NAT2: variants seen among roughly 807,000 people sequenced by gnomAD.
The protein encoded by NAT2 is arylamine N-acetyltransferase 2.
For missense variants in NAT2, 428 were observed against 339.1 expected, an observed-to-expected ratio of 1.26 and a Z score of -2.06; for synonymous variants, 137 against 125.9, an observed-to-expected ratio of 1.09 and a Z score of -0.59.
intron 1 of NAT2, among the ~76,000 whole-genome samples, chr8:18,396,139 A>G: frequency 6.6e-6 from 1 of 152,210 alleles, no homozygotes; most frequent in Non-Finnish European, 1.5e-5. Context: ...AACACAAGGT[A>G]GAGATTTTTA....
intron 1 of NAT2, among the ~76,000 whole-genome samples, chr8:18,394,793 G>C (rs920554678): frequency 1.3e-5 from 2 of 152,108 alleles, no homozygotes; most frequent in Admixed American, 1.3e-4. Flanking sequence ...TCAAATCCTT[G>C]ATTTTTGTCT....
chr8:18,400,865 C>T lies in NAT2; in HGVS notation c.862C>T (p.Leu288Phe). ...CGTGCCCAAACCTGGTGATGGATCCCTTACTATTTAGAATAAGGAACAAAA... is the reference window on the plus strand; with the variant it reads ...CGTGCCCAAACCTGGTGATGGATCCTTTACTATTTAGAATAAGGAACAAAA... ...NLVPKPGDGS[L>F]TI Residue 288 changes from leucine (L) to phenylalanine (F), a missense_variant, in exon 2 of 2, where the codon CTT becomes TTT. By Grantham distance (22) the Leu-to-Phe change is conservative (BLOSUM62 0). Coordinates refer to ENST00000286479, the MANE Select transcript of NAT2 (RefSeq NM_000015.3). 1 of 1,586,650 alleles carries T rather than the reference C, an allele frequency of 6.3e-7. No homozygotes were observed. Among genetic ancestry groups the T allele is most frequent in the Non-Finnish European group, 8.5e-7 (1 of 1,170,690 alleles).
chr8:18,400,363 T>A lies in NAT2; in HGVS notation c.360T>A (p.Ile120=). 2 of 1,612,506 alleles carry A rather than the reference T, an allele frequency of 1.2e-6. No individual in the cohort carries two copies. The highest frequency in any genetic ancestry group is 1.7e-6 in the Non-Finnish European group (2 of 1,179,382). The change falls in exon 2 of 2, where the codon ATT becomes ATA. Residue 120 remains isoleucine (I), a synonymous_variant. Coordinates refer to ENST00000286479, the MANE Select transcript of NAT2 (RefSeq NM_000015.3). ...LQVTIDGRNY[I]VDAGSGSSSQ... ...TGACCATTGACGGCAGGAATTACAT[T>A]GTCGATGCTGGGTCTGGAAGCTCCT...
At chr8:18,395,983 A>C (rs1800684029) in intron 1 of NAT2, among the ~76,000 whole-genome samples, 1 of 151,100 alleles carries the variant, frequency 6.6e-6, no homozygotes, top group Admixed American at 6.6e-5. Flanking sequence ...TTTTCTCAAA[A>C]GGTAAGCAAA....
At chr8:18,393,468 A>T (rs562717456) in intron 1 of NAT2, among the ~76,000 whole-genome samples, 2 of 152,224 alleles carry the variant, frequency 1.3e-5, no homozygotes, top group Non-Finnish European at 2.9e-5. Context: ...TAGAAACAGA[A>T]AAAAATAAAT....
chr8:18,388,152 A>C (rs1800534656), upstream of NAT2, among the ~76,000 whole-genome samples: 1 of 152,230 alleles, frequency 6.6e-6, no homozygotes, highest in African/African-American at 2.4e-5. Context: ...AGACCTTCTG[A>C]GACTGAGCAC....
At position 18,400,162 on chromosome 8, in the gene NAT2, G is replaced by C; in HGVS notation, c.159G>C (p.Glu53Asp). The change falls in exon 2 of 2, where the codon GAG becomes GAC. Residue 53 changes from glutamate (E) to aspartate (D), a missense_variant. By Grantham distance (45) the Glu-to-Asp change is conservative. Transcript: ENST00000286479. ...HCGQAMELGL[E>D]AIFDHIVRRN... ...GGCAAGCCATGGAGTTGGGCTTAGA[G>C]GCTATTTTTGATCACATTGTAAGAA... is the stretch of plus-strand genomic sequence containing the variant. 6.2e-7 allele frequency: 1 copy of C among 1,613,920 alleles called. No individual in the cohort carries two copies. Among genetic ancestry groups the C allele is most frequent in the Non-Finnish European group, 8.5e-7 (1 of 1,179,928 alleles).
chr8:18,391,995 C>A (rs1460492445), intron 1 of NAT2, among the ~76,000 whole-genome samples: 2 of 152,202 alleles, frequency 1.3e-5, no homozygotes, highest in East Asian at 1.9e-4. Flanking sequence ...ATCACAAAAT[C>A]TTTGAATCCA....
chr8:18,400,663 A>C lies in NAT2; in HGVS notation c.660A>C (p.Thr220=). The change falls in exon 2 of 2, where the codon ACA becomes ACC. Residue 220 remains threonine (T), a synonymous_variant. Coordinates refer to ENST00000286479, the MANE Select transcript of NAT2 (RefSeq NM_000015.3). ...CTCCAACATCTTCATTTATAACCAC[A>C]TCATTTTGTTCCTTGCAGACCCCAG... ...QTSPTSSFIT[T]SFCSLQTPEG... 1 of 1,613,978 alleles carries C rather than the reference A, an allele frequency of 6.2e-7. No individual in the cohort carries two copies. Among genetic ancestry groups the C allele is most frequent in the Non-Finnish European group, 8.5e-7 (1 of 1,179,972 alleles).
At chr8:18,395,700 C>T (rs904229023) in intron 1 of NAT2, among the ~76,000 whole-genome samples, 5 of 152,026 alleles carry the variant, frequency 3.3e-5, no homozygotes, top group African/African-American at 1.2e-4. Context: ...TATTAAAAGC[C>T]AAGGTAATAG....
In NAT2 at chr8:18,400,762, C is replaced by T. The variant is rs56011192; in HGVS notation, c.759C>T (p.Val253=). 28 of 1,613,306 alleles carry T rather than the reference C, an allele frequency of 1.7e-5. No individual in the cohort carries two copies. Among genetic ancestry groups the T allele is most frequent in the Middle Eastern group, 3.3e-4 (2 of 6,082 alleles). Reference sequence around the variant, plus strand: ...ATTATAAAGACAATACAGATCTGGTCGAGTTTAAAACTCTCACTGAGGAAG... The same window carrying T: ...ATTATAAAGACAATACAGATCTGGTTGAGTTTAAAACTCTCACTGAGGAAG... The part of the protein sequence containing the change: ...KFNYKDNTDL[V]EFKTLTEEEV... The change falls in exon 2 of 2, where the codon GTC becomes GTT. Residue 253 remains valine (V), a synonymous_variant. Transcript: ENST00000286479.
At chr8:18,396,812 A>G (rs45594437) in intron 1 of NAT2, among the ~76,000 whole-genome samples, 2,176 of 152,350 alleles carry the variant, frequency 0.014, 27 homozygotes, top group Non-Finnish European at 0.021. Context: ...TGAACACCTG[A>G]TATTCACAGG....
intron 1 of NAT2, among the ~76,000 whole-genome samples, chr8:18,395,806 C>A (rs1253375553): frequency 6.6e-6 from 1 of 152,134 alleles, no homozygotes; most frequent in Non-Finnish European, 1.5e-5. Flanking sequence ...GTAAATAAGT[C>A]ATTCATTTAG....
rs1432822488 is a variant in NAT2 at position 18,400,436 on chromosome 8, C to A, written c.433C>A (p.Gln145Lys). 6.2e-7 allele frequency: 1 copy of A among 1,613,580 alleles called. No individual in the cohort carries two copies. The highest frequency in any genetic ancestry group is 8.5e-7 in the Non-Finnish European group (1 of 1,179,910). Residue 145 changes from glutamine (Q) to lysine (K), a missense_variant, in exon 2 of 2, where the codon CAG becomes AAG. Gln to Lys is a moderately conservative substitution (Grantham distance 53). Transcript: ENST00000286479. ...LELISGKDQPQVPCIFCLTEE... is the reference protein window; with the variant it reads ...LELISGKDQPKVPCIFCLTEE... ...ATTAATTTCTGGGAAGGATCAGCCT[C>A]AGGTGCCTTGCATTTTCTGCTTGAC...
intron 1 of NAT2, among the ~76,000 whole-genome samples, chr8:18,398,180 T>C (rs934186735): frequency 1.3e-5 from 2 of 152,132 alleles, no homozygotes; most frequent in Non-Finnish European, 2.9e-5. Flanking sequence ...TGGGCACATA[T>C]AAAAATATGA....
In NAT2 at chr8:18,400,913, C is replaced by A. The variant is rs745818634; in HGVS notation, c.*37C>A. 1.4e-6 allele frequency: 2 copies of A among 1,464,006 alleles called. No individual in the cohort carries two copies. Among genetic ancestry groups the A allele is most frequent in the East Asian group, 2.3e-5 (1 of 43,706 alleles). The allele number at this position is 1,464,006 out of a possible 1,614,324, so 90.7% of individuals were successfully genotyped here. On this transcript the variant is annotated 3_prime_UTR_variant, in exon 2 of 2. Transcript: ENST00000286479. ...AAATAAACCCTTGTGTATGTATCAC[C>A]CAACTCACTAATTATCAACTTATGT... is the stretch of plus-strand genomic sequence containing the variant.
At chr8:18,388,068 C>T (rs1800533888), upstream of NAT2, among the ~76,000 whole-genome samples, 1 of 152,194 alleles carries the variant, frequency 6.6e-6, no homozygotes, top group South Asian at 2.1e-4. Flanking sequence ...CTGCCAGGAG[C>T]ATGAAGAGAC....
At chr8:18,387,932 T>C (rs1229589653), upstream of NAT2, among the ~76,000 whole-genome samples, 1 of 152,204 alleles carries the variant, frequency 6.6e-6, no homozygotes, top group Non-Finnish European at 1.5e-5. Context: ...GAGACAGGAA[T>C]GCTAGAAGGG....
At position 18,393,417 on chromosome 8, in the gene NAT2, C is replaced by T. The variant is rs936132757; in HGVS notation, c.-7+2072C>T. Among the ~76,000 whole-genome samples, 3 of 151,916 alleles carry T rather than the reference C, an allele frequency of 2.0e-5. No homozygotes were observed. The South Asian group carries it at 6.2e-4, about 32-fold the overall frequency. The stretch of plus-strand genomic sequence containing the variant: ...ACTGCAAATGGTTTAGGCCTTTAGA[C>T]GTAATGTAGGCAATCAGATTTCTAG... On this transcript the variant is annotated intron_variant, in intron 1 of 1. Transcript: ENST00000286479.
Sources: allele counts gnomAD v4.1 joint callset (sites outside exome capture counted in the v4.1 genomes callset), GRCh38; gene constraint gnomAD v4.1.1; transcripts MANE v1.5; gene names NCBI Gene and HGNC (gene_info 2026-07-23, HGNC 2026-07-21).